ADGRE2: variants seen among roughly 807,000 people sequenced by gnomAD.
ADGRE2 encodes CD97 antigen.
ADGRE2 carries 83 observed loss-of-function variants against 100.8 expected under a neutral mutation model. The ratio of observed to expected loss-of-function variants is 0.82; its 90% CI spans 0.69 to 0.99. The LOEUF (loss-of-function observed/expected upper bound fraction) is 0.99. Ranked by LOEUF, ADGRE2 falls within the 50% of genes least tolerant of loss-of-function variation. The pLI is 0.00. For missense variants in ADGRE2, 814 were observed against 1,035.7 expected (o/e 0.79, Z 2.94); for synonymous variants, 355 against 413.0 (o/e 0.86, Z 1.70).
At chr19:14,761,222 C>A (rs2079606) in intron 11 of ADGRE2, among the ~76,000 whole-genome samples, 3 of 151,994 alleles carry the variant, frequency 2.0e-5, no homozygotes, top group African/African-American at 7.2e-5. Context: ...GTTAACATGG[C>A]GAAACCCTGT....
At chr19:14,730,460 CTT>C (rs1179596361), downstream of ADGRE2, among the ~76,000 whole-genome samples, 1 of 89,254 alleles carries the variant, frequency 1.1e-5, no homozygotes, top group Non-Finnish European at 2.7e-5. Flanking sequence ...CCCTTCCTCT[CTT>C]TCTTTCACTT....
chr19:14,765,932 A>C lies in ADGRE2; in HGVS notation c.635-128T>G, dbSNP rs535468234. ...TGGAGAGGTGGACGCTGGGTTATGGAAGCGTGGAGAGGCCTGGGCACAGCA... is the reference window on the plus strand; with the variant it reads ...TGGAGAGGTGGACGCTGGGTTATGGCAGCGTGGAGAGGCCTGGGCACAGCA... On this transcript the variant is annotated intron_variant, in intron 7 of 20. Transcript: ENST00000315576. The C allele has an allele frequency of 1.8e-4, 260 of 1,468,776 alleles. No homozygotes were observed. The African/African-American group carries it at 3.3e-3, about 19-fold the overall frequency. 91.0% of individuals were successfully genotyped at this position (1,468,776 alleles called of 1,614,324 possible). A position where few individuals can be genotyped will look rare whatever the true frequency, so the allele number is the denominator to read the frequency against.
intron 13 of ADGRE2, 95 bp downstream of exon 13, chr19:14,755,559 T>TA: frequency 8.8e-7 from 1 of 1,136,042 alleles, no homozygotes; most frequent in Non-Finnish European, 1.3e-6. Context: ...AATGTACCCA[T>TA]AACAGAGACC....
chr19:14,759,505 T>TATATATATATATATATATA (rs60321111), intron 11 of ADGRE2, among the ~76,000 whole-genome samples: 74 of 61,380 alleles, frequency 1.2e-3, no homozygotes, highest in African/African-American at 4.4e-3. Context: ...ATATATATAT[T>TATATATATATATATATATA]TTTTTTTTTT....
downstream of ADGRE2, among the ~76,000 whole-genome samples, chr19:14,728,212 C>T (rs903208003): frequency 6.6e-6 from 1 of 151,394 alleles, no homozygotes; most frequent in Non-Finnish European, 1.5e-5. Context: ...GACTCCGTCT[C>T]AAAAAAAAAT....
rs763129477 is a variant in ADGRE2, at chr19:14,776,790, G to T, written c.-34C>A. On this transcript the variant is annotated 5_prime_UTR_variant, in exon 2 of 21. Transcript: ENST00000315576. ...CTGAGCTGCCGGCAGGAGCAGCAGG[G>T]GAAAGAGTGAGTGGGACAGGGCTGT... The T allele has an allele frequency of 1.9e-6, 3 of 1,612,342 alleles. No homozygotes were observed. The highest frequency in any genetic ancestry group is 4.5e-5 in the East Asian group (2 of 44,742).
At chr19:14,768,208 A>G (rs1238251032) in intron 5 of ADGRE2, among the ~76,000 whole-genome samples, 2 of 152,184 alleles carry the variant, frequency 1.3e-5, no homozygotes, top group Admixed American at 1.3e-4. Flanking sequence ...ACATGGACCA[A>G]GACTGGCCCC....
chr19:14,736,916 A>AAT (rs201504470), intron 20 of ADGRE2, among the ~76,000 whole-genome samples: 3 of 137,366 alleles, frequency 2.2e-5, no homozygotes, highest in Non-Finnish European at 3.2e-5. Flanking sequence ...TATATTTAGA[A>AAT]ATATATATAT....
chr19:14,738,545 T>C (rs2042827182), intron 20 of ADGRE2, among the ~76,000 whole-genome samples: 1 of 152,074 alleles, frequency 6.6e-6, no homozygotes, highest in South Asian at 2.1e-4. Context: ...GCCTGGCTAA[T>C]TTTTATACTT....
chr19:14,752,769 C>T (rs998162824), intron 14 of ADGRE2, among the ~76,000 whole-genome samples: 1 of 126,314 alleles, frequency 7.9e-6, no homozygotes, highest in African/African-American at 3.1e-5. Flanking sequence ...ATGTATGGCA[C>T]CATGCCCTGC....
intron 17 of ADGRE2, 51 bp from the exon 18 acceptor site, chr19:14,746,374 T>A: frequency 3.2e-5 from 30 of 925,434 alleles, no homozygotes; most frequent in Non-Finnish European, 4.5e-5. Flanking sequence ...ACCTGTTATC[T>A]CTTTTTTTTT....
At chr19:14,742,900 A>T (rs11882043) in intron 20 of ADGRE2, among the ~76,000 whole-genome samples, 14,762 of 151,864 alleles carry the variant, frequency 0.097, 2,455 homozygotes, top group African/African-American at 0.34. Flanking sequence ...AACTAAGCAC[A>T]GTTCCCTAAG....
chr19:14,776,696 C>G, intron 2 of ADGRE2, 30 bp downstream of exon 2: 1 of 1,606,846 alleles, frequency 6.2e-7, no homozygotes, highest in Non-Finnish European at 8.5e-7. Flanking sequence ...TTCCTCGCTA[C>G]CACCCCCAGC....
Position 14,755,034 on chromosome 19 carries a change from C to G in ADGRE2, c.1510G>C (p.Gly504Arg), listed in dbSNP as rs1203382887. 1 of 1,614,076 alleles carries G rather than the reference C, an allele frequency of 6.2e-7. No homozygotes were observed. Among genetic ancestry groups the G allele is most frequent in the Admixed American group, 1.7e-5 (1 of 60,004 alleles). Reference sequence around the variant, plus strand: ...CAGATGGTGCTGGTGTCTCTGGTGCCTATTGTGCTGCAGCCTGTGGTGGCC... The same window carrying G: ...CAGATGGTGCTGGTGTCTCTGGTGCGTATTGTGCTGCAGCCTGTGGTGGCC... ...HWATTGCSTI[G>R]TRDTSTICRC... Residue 504 changes from glycine (G) to arginine (R), a missense_variant, in exon 14 of 21, where the codon GGC becomes CGC. This residue lies in a region of ADGRE2 where 569 missense variants were observed against 692.7 expected (regional missense o/e 0.82). Transcript: ENST00000315576.
chr19:14,731,293 C>T, downstream of ADGRE2: 1 of 1,138,198 alleles, frequency 8.8e-7, no homozygotes, highest in Non-Finnish European at 1.3e-6. Context: ...TCCAAATCTG[C>T]AGATTCTGAA....
chr19:14,726,173 C>T, the ADGRE2 span, among the ~76,000 whole-genome samples: 7 of 152,212 alleles, frequency 4.6e-5, no homozygotes, highest in Non-Finnish European at 1.0e-4. Context: ...CAAGCTATAC[C>T]TGGGCCCCTT....
intron 4 of ADGRE2, among the ~76,000 whole-genome samples, 157 bp from the exon 5 acceptor site, chr19:14,772,654 G>C (rs946245017): frequency 6.6e-6 from 1 of 150,426 alleles, no homozygotes; most frequent in Non-Finnish European, 1.5e-5. Flanking sequence ...GCTGGAGCAG[G>C]CCATTCCTGA....
chr19:14,768,275 A>T (rs1208673513), intron 5 of ADGRE2, among the ~76,000 whole-genome samples: 1 of 152,186 alleles, frequency 6.6e-6, no homozygotes, highest in Admixed American at 6.5e-5. Context: ...GGCTGCCTGG[A>T]CAGTGGGTCC....
downstream of ADGRE2, chr19:14,731,084 T>A: frequency 1.8e-6 from 2 of 1,130,476 alleles, no homozygotes; most frequent in Non-Finnish European, 2.6e-6. Flanking sequence ...GCACCGCCCC[T>A]CCTGCCCCCT....
Sources: allele counts gnomAD v4.1 joint callset (sites outside exome capture counted in the v4.1 genomes callset), GRCh38; gene constraint gnomAD v4.1.1; regional missense constraint gnomAD v4.1.1; transcripts MANE v1.5; gene names NCBI Gene and HGNC (gene_info 2026-07-23, HGNC 2026-07-21).